CRAMP1: variants seen among roughly 807,000 people sequenced by gnomAD.
The protein encoded by CRAMP1 is cramped chromatin regulator 1, also known as protein cramped-like.
In CRAMP1, 50 loss-of-function variants were observed where a neutral mutation model predicts 115.4. That is an observed-to-expected ratio of 0.43 (90% CI 0.35 to 0.55). CRAMP1 has a LOEUF of 0.55. CRAMP1 is among the 20% of genes least tolerant of loss of function. CRAMP1 has a pLI of 0.01. For synonymous variants in CRAMP1, 866 were observed against 745.4 expected (o/e 1.16, Z -2.64); for missense variants, 1,679 against 1,721.7 (o/e 0.98, Z 0.44).
At chr16:1,633,190 G>A (rs1298783820) in intron 4 of CRAMP1, among the ~76,000 whole-genome samples, 1 of 152,160 alleles carries the variant, frequency 6.6e-6, no homozygotes, top group African/African-American at 2.4e-5. Context: ...AAAGTCCTTC[G>A]CCTTGGCCAT....
intron 2 of CRAMP1, among the ~76,000 whole-genome samples, chr16:1,617,422 C>T (rs376490141): frequency 3.3e-5 from 5 of 152,338 alleles, no homozygotes; most frequent in African/African-American, 1.2e-4. Flanking sequence ...AGTTGCCCCG[C>T]AACAGTCTTT....
rs1215278037 is a variant in CRAMP1 at position 1,625,994 on chromosome 16, CGTCTGGAAATGT to C, written c.375_386del (p.Asn126_Gly129del). Reference sequence around the variant, plus strand: ...CAAGGAGCTGAAGGTGGTGGATCATCGTCTGGAAATGTGTCTGGGGTTGCCCCTGCTGCCCCT... The same window carrying C: ...CAAGGAGCTGAAGGTGGTGGATCATCGTCTGGGGTTGCCCCTGCTGCCCCT... On this transcript the variant is annotated inframe_deletion, in exon 3 of 21. Transcript: ENST00000397412. 24 of 1,551,636 alleles carry C rather than the reference CGTCTGGAAATGT, an allele frequency of 1.5e-5. No homozygotes were observed. Among genetic ancestry groups the C allele is most frequent in the Non-Finnish European group, 2.1e-5 (24 of 1,146,964 alleles).
At position 1,668,074 on chromosome 16, in the gene CRAMP1, T is replaced by C. The variant is rs763487231; in HGVS notation, c.3215T>C (p.Val1072Ala). The C allele has an allele frequency of 3.7e-6, 6 of 1,613,826 alleles. No individual in the cohort carries two copies. Among genetic ancestry groups the C allele is most frequent in the Admixed American group, 1.7e-5 (1 of 60,026 alleles). The change falls in exon 18 of 21, where the codon GTC (valine) becomes GCC (alanine). Residue 1072 changes from valine (V) to alanine (A), a missense_variant. Physicochemically the swap from Val to Ala is moderately conservative, Grantham distance 64. Transcript: ENST00000397412. ...SSSTRLSPPDVSALLDISLPG... is the reference protein window; with the variant it reads ...SSSTRLSPPDASALLDISLPG... Reference sequence around the variant, plus strand: ...AGCACCCGGCTGTCTCCACCAGACGTCTCTGCTCTGCTCGACATCTCCCTG... The same window carrying C: ...AGCACCCGGCTGTCTCCACCAGACGCCTCTGCTCTGCTCGACATCTCCCTG...
chr16:1,650,586 AT>A (rs906910797), intron 6 of CRAMP1, among the ~76,000 whole-genome samples: 1 of 152,186 alleles, frequency 6.6e-6, no homozygotes, highest in African/African-American at 2.4e-5. Flanking sequence ...GTCTTTCTGA[AT>A]TTTTTTCTTA....
At chr16:1,645,065 AGTTT>A (rs557024867) in intron 6 of CRAMP1, among the ~76,000 whole-genome samples, 145 of 151,918 alleles carry the variant, frequency 9.5e-4, no homozygotes, top group African/African-American at 3.3e-3. Flanking sequence ...TAGTTATAGA[AGTTT>A]GTTTTAAAAC....
chr16:1,662,477 TCTC>T lies in CRAMP1; in HGVS notation c.2414-9_2414-7del. 1 of 1,609,180 alleles carries T rather than the reference TCTC, an allele frequency of 6.2e-7. No individual in the cohort carries two copies. The highest frequency in any genetic ancestry group is 8.5e-7 in the Non-Finnish European group (1 of 1,175,868). ...GAATGCTGTCACACTGATTCTCTCC[TCTC>T]CTCTCCCAGGTTTGAGAAACCCTCC... On this transcript the variant is annotated splice_polypyrimidine_tract_variant and intron_variant, in intron 11 of 20. Transcript: ENST00000397412.
intron 2 of CRAMP1, among the ~76,000 whole-genome samples, chr16:1,622,282 G>A (rs2036471414): frequency 6.6e-6 from 1 of 152,234 alleles, no homozygotes; most frequent in African/African-American, 2.4e-5. Context: ...AGAGGCTGAG[G>A]CGGGAGGATT....
chr16:1,642,598 C>T (rs2036641757), intron 6 of CRAMP1, among the ~76,000 whole-genome samples: 1 of 152,226 alleles, frequency 6.6e-6, no homozygotes, highest in Non-Finnish European at 1.5e-5. Context: ...GCTCTACCTC[C>T]ATCAGGCAGT....
At chr16:1,657,043 C>A in intron 10 of CRAMP1, 51 bp downstream of exon 10, 1 of 1,435,672 alleles carries the variant, frequency 7.0e-7, no homozygotes, top group Non-Finnish European at 9.2e-7. Flanking sequence ...AAGCCAGGCC[C>A]AGCCTTGGAG....
intron 10 of CRAMP1, among the ~76,000 whole-genome samples, chr16:1,657,893 G>T (rs1278590647): frequency 1.3e-5 from 2 of 152,216 alleles, no homozygotes; most frequent in African/African-American, 4.8e-5. Context: ...GACTGGGCAG[G>T]AGCTGCAGGT....
chr16:1,639,069 A>G (rs1035119232), intron 5 of CRAMP1, among the ~76,000 whole-genome samples: 29 of 151,814 alleles, frequency 1.9e-4, no homozygotes, highest in African/African-American at 7.0e-4. Flanking sequence ...CCAGGCCCCA[A>G]GGAGTTTACG....
chr16:1,665,245 C>A, intron 14 of CRAMP1, 107 bp downstream of exon 14: 1 of 761,328 alleles, frequency 1.3e-6, no homozygotes, highest in Non-Finnish European at 2.4e-6. Context: ...TTCAGGCATT[C>A]CTTTGTCCAT....
chr16:1,638,180 A>C (rs910663636), intron 5 of CRAMP1, among the ~76,000 whole-genome samples: 1 of 152,156 alleles, frequency 6.6e-6, no homozygotes, highest in Non-Finnish European at 1.5e-5. Flanking sequence ...CGACTGTAAG[A>C]TGTCACGCCA....
chr16:1,668,578 C>G (rs1248650143), intron 18 of CRAMP1, among the ~76,000 whole-genome samples: 1 of 152,196 alleles, frequency 6.6e-6, no homozygotes, highest in Non-Finnish European at 1.5e-5. Context: ...CTGTCTGGGA[C>G]AAAGCTCCTG....
At chr16:1,627,749 T>C (rs931956004) in intron 3 of CRAMP1, among the ~76,000 whole-genome samples, 4 of 152,170 alleles carry the variant, frequency 2.6e-5, no homozygotes, top group African/African-American at 9.7e-5. Context: ...TTCCTTTTCT[T>C]CCCTTGGAGG....
intron 6 of CRAMP1, among the ~76,000 whole-genome samples, chr16:1,649,057 T>TAAA (rs371246325): frequency 7.1e-6 from 1 of 141,290 alleles, no homozygotes; most frequent in African/African-American, 2.6e-5. Flanking sequence ...AGACTCCATC[T>TAAA]AAAAAAAAAA....
chr16:1,620,712 C>T (rs2036459282), intron 2 of CRAMP1: 2 of 456,080 alleles, frequency 4.4e-6, no homozygotes, highest in South Asian at 3.1e-5. Flanking sequence ...TAACTTCTCA[C>T]CTTTCCCAGG....
intron 2 of CRAMP1, among the ~76,000 whole-genome samples, chr16:1,621,884 C>A (rs1372289039): frequency 6.6e-6 from 1 of 152,162 alleles, no homozygotes; most frequent in Non-Finnish European, 1.5e-5. Context: ...GTGTCCTGCA[C>A]CCAGAGAAGC....
intron 2 of CRAMP1, among the ~76,000 whole-genome samples, chr16:1,618,239 G>A (rs1251336909): frequency 2.0e-5 from 3 of 152,162 alleles, no homozygotes; most frequent in African/African-American, 4.8e-5. Context: ...CCAAGATTGC[G>A]CCATTGCACT....
Sources: allele counts gnomAD v4.1 joint callset (sites outside exome capture counted in the v4.1 genomes callset), GRCh38; gene constraint gnomAD v4.1.1; transcripts MANE v1.5; gene names NCBI Gene and HGNC (gene_info 2026-07-23, HGNC 2026-07-21).